The following CDC42BPA variants were observed in gnomAD, a reference collection of about 807,000 sequenced individuals.
CDC42BPA encodes CDC42 binding protein kinase alpha.
Under a neutral mutation model 223.5 loss-of-function variants are expected in CDC42BPA, and 80 were observed. The observed-to-expected ratio is 0.36, with a 90% CI of 0.30 to 0.43. The LOEUF (loss-of-function observed/expected upper bound fraction) is 0.43, where lower values mean the gene tolerates loss of function less well. Among genes scored for constraint, CDC42BPA ranks in the 20% least tolerant of loss-of-function variants. The pLI is 1.00. For synonymous variants in CDC42BPA, 694 were observed against 718.6 expected (o/e 0.97, Z 0.55); for missense variants, 1,743 against 2,099.9 (o/e 0.83, Z 3.32).
intron 17 of CDC42BPA, 48 bp downstream of exon 17, chr1:227,080,845 C>G: frequency 6.2e-7 from 1 of 1,606,734 alleles, no homozygotes; most frequent in Non-Finnish European, 8.5e-7. Flanking sequence ...ACCAACTTGG[C>G]CACATACTCA....
intron 15 of CDC42BPA, among the ~76,000 whole-genome samples, chr1:227,099,134 C>T (rs1385814813): frequency 2.0e-5 from 3 of 152,000 alleles, no homozygotes; most frequent in Admixed American, 1.3e-4. Context: ...AAGTATAGCA[C>T]ATACAATTAT....
intron 5 of CDC42BPA, among the ~76,000 whole-genome samples, chr1:227,181,104 C>T (rs1222826876): frequency 6.6e-6 from 1 of 152,092 alleles, no homozygotes; most frequent in African/African-American, 2.4e-5. Flanking sequence ...ACTGCCTATG[C>T]AGCAAATCAA....
At chr1:227,289,125 T>TA (rs1689283513) in intron 1 of CDC42BPA, among the ~76,000 whole-genome samples, 1 of 152,228 alleles carries the variant, frequency 6.6e-6, no homozygotes, top group African/African-American at 2.4e-5. Flanking sequence ...ACAAAGGTCC[T>TA]AACTGGCATG....
intron 1 of CDC42BPA, among the ~76,000 whole-genome samples, chr1:227,276,792 C>CT (rs1291334462): frequency 6.6e-6 from 1 of 152,206 alleles, no homozygotes. Flanking sequence ...CCTGTGCTCT[C>CT]TGAAACATGT....
At chr1:227,171,952 A>T (rs946055287) in intron 5 of CDC42BPA, among the ~76,000 whole-genome samples, 1 of 152,128 alleles carries the variant, frequency 6.6e-6, no homozygotes, top group Non-Finnish European at 1.5e-5. Flanking sequence ...AATATCTCCC[A>T]TTCGGTTCCT....
chr1:227,215,946 G>A (rs972621282), intron 2 of CDC42BPA, among the ~76,000 whole-genome samples: 12 of 152,106 alleles, frequency 7.9e-5, no homozygotes, highest in Admixed American at 7.9e-4. Context: ...ATATTGAAAT[G>A]AACTTAAATA....
At chr1:227,242,490 G>GAACA (rs1465446044) in intron 2 of CDC42BPA, among the ~76,000 whole-genome samples, 2 of 151,782 alleles carry the variant, frequency 1.3e-5, no homozygotes, top group Non-Finnish European at 2.9e-5. Context: ...AGATCAAGAT[G>GAACA]AACATATAGA....
At chr1:227,087,511 G>C (rs562909285) in intron 16 of CDC42BPA, among the ~76,000 whole-genome samples, 1 of 152,208 alleles carries the variant, frequency 6.6e-6, no homozygotes, top group Non-Finnish European at 1.5e-5. Context: ...AACTATTCTT[G>C]GTCTTTTCTA....
chr1:227,060,717 C>CTTTTTTTT (rs59728048), intron 21 of CDC42BPA, among the ~76,000 whole-genome samples: 4 of 95,452 alleles, frequency 4.2e-5, no homozygotes, highest in Non-Finnish European at 5.9e-5. Context: ...TAAATAGGTA[C>CTTTTTTTT]TTTTTTTTTT....
chr1:227,164,418 T>C (rs1037455062), intron 5 of CDC42BPA, among the ~76,000 whole-genome samples: 20 of 152,232 alleles, frequency 1.3e-4, no homozygotes, highest in African/African-American at 4.8e-4. Flanking sequence ...ATAAGTCTTT[T>C]TTTATATTCT....
intron 5 of CDC42BPA, among the ~76,000 whole-genome samples, chr1:227,189,700 C>A (rs1421625545): frequency 1.3e-5 from 2 of 152,088 alleles, no homozygotes; most frequent in South Asian, 2.1e-4. Flanking sequence ...TCTTGTTAAA[C>A]CTTTGTGCAA....
At chr1:227,254,404 T>C (rs887734903) in intron 1 of CDC42BPA, among the ~76,000 whole-genome samples, 3 of 152,110 alleles carry the variant, frequency 2.0e-5, no homozygotes, top group South Asian at 4.1e-4. Context: ...CCAAATAACA[T>C]ATAAAAGAAT....
In CDC42BPA at chr1:227,254,080, C is replaced by T. The variant is rs778676544; in HGVS notation, c.254G>A (p.Arg85Gln). The change falls in exon 2 of 37, where the codon CGA becomes CAA. Residue 85 changes from arginine to glutamine, a missense_variant. Physicochemically the swap from Arg to Gln is conservative, Grantham distance 43 (BLOSUM62 1). Coordinates refer to ENST00000366766, the MANE Select transcript of CDC42BPA (RefSeq NM_001394014.1). ...EDFEILKVIG[R>Q]GAFGEVAVVK... ...ATCTCTTACCTCCCCAAAAGCTCCT[C>T]GACCAATCACCTTTAATATTTCAAA... 2.5e-6 allele frequency: 4 copies of T among 1,593,810 alleles called. No homozygotes were observed. The highest frequency in any genetic ancestry group is 3.4e-6 in the Non-Finnish European group (4 of 1,166,032).
chr1:227,175,107 T>C (rs561545621), intron 5 of CDC42BPA, among the ~76,000 whole-genome samples: 1 of 152,302 alleles, frequency 6.6e-6, no homozygotes, highest in South Asian at 2.1e-4. Flanking sequence ...AAGGAATAAA[T>C]AACTAGATAA....
At chr1:227,180,521 A>T (rs1418102067) in intron 5 of CDC42BPA, 8 of 152,188 alleles carry the variant, frequency 5.3e-5, no homozygotes, top group Admixed American at 5.2e-4. Flanking sequence ...GTTTGAAGGC[A>T]AAGTGTGCAA....
intron 5 of CDC42BPA, among the ~76,000 whole-genome samples, chr1:227,193,350 G>A (rs933448513): frequency 2.6e-5 from 4 of 151,944 alleles, no homozygotes; most frequent in African/African-American, 7.3e-5. Context: ...GTGAGCAACC[G>A]TGACCGGCCG....
At position 227,100,747 on chromosome 1, in the gene CDC42BPA, A is replaced by AGTGTGTGTGTGTGTGTGTGTGTGTGT. The variant is rs57210205; in HGVS notation, c.2249+219_2249+244dup. On this transcript the variant is annotated intron_variant, in intron 15 of 36. Transcript: ENST00000366766. ...TGTGTGTCTGCCATCATACCCAGCT[A>AGTGTGTGTGTGTGTGTGTGTGTGTGT]GTGTGTGTGTGTGTGTGTGTGTGTG... is the stretch of plus-strand genomic sequence containing the variant. Among the ~76,000 whole-genome samples, 1,112 of 137,328 alleles carry AGTGTGTGTGTGTGTGTGTGTGTGTGT rather than the reference A, an allele frequency of 8.1e-3. 10 individuals are homozygous for AGTGTGTGTGTGTGTGTGTGTGTGTGT. The highest frequency in any genetic ancestry group is 0.012 in the African/African-American group (458 of 36,954). The allele number at this position is 137,328 out of a possible 152,430, so 90.1% of individuals were successfully genotyped here. A position where few individuals can be genotyped will look rare whatever the true frequency, so the allele number is the denominator to read the frequency against.
intron 24 of CDC42BPA, among the ~76,000 whole-genome samples, chr1:227,035,922 T>C (rs1670133492): frequency 6.6e-6 from 1 of 152,150 alleles, no homozygotes; most frequent in African/African-American, 2.4e-5. Context: ...AAAAGAGTGG[T>C]TTCTAGAGTT....
At chr1:227,208,754 T>C (rs1482394951) in intron 3 of CDC42BPA, among the ~76,000 whole-genome samples, 2 of 152,140 alleles carry the variant, frequency 1.3e-5, no homozygotes, top group Admixed American at 6.5e-5. Flanking sequence ...TTTTGGTTAC[T>C]GTAGCCTTGT....
Sources: gnomAD v4.1 joint callset for allele counts (sites outside exome capture counted in the v4.1 genomes callset) on GRCh38, gnomAD v4.1.1 for gene constraint, MANE v1.5 for transcripts, NCBI Gene and HGNC (gene_info 2026-07-23, HGNC 2026-07-21) for gene names.